The following TMEM260 variants were observed in gnomAD, a reference collection of about 807,000 sequenced individuals.
The protein encoded by TMEM260 is protein O-mannosyl-transferase TMEM260.
Under a neutral mutation model 88.9 loss-of-function variants are expected in TMEM260, and 82 were observed. That is an observed-to-expected ratio of 0.92 (90% CI 0.77 to 1.11). The LOEUF (loss-of-function observed/expected upper bound fraction) is 1.11, where lower values mean the gene tolerates loss of function less well. Among genes scored for constraint, TMEM260 ranks in the 50% least tolerant of loss-of-function variants. The pLI is 0.00. For missense variants in TMEM260, 902 were observed against 853.4 expected, an observed-to-expected ratio of 1.06 and a Z score of -0.71; for synonymous variants, 314 against 309.3, an observed-to-expected ratio of 1.02 and a Z score of -0.16.
chr14:56,632,688 G>T (rs762884723), intron 12 of TMEM260, among the ~76,000 whole-genome samples: 3 of 152,126 alleles, frequency 2.0e-5, no homozygotes, highest in African/African-American at 7.2e-5. Flanking sequence ...GGCCTCAAGC[G>T]ATTCTCCCAC....
Position 56,634,985 on chromosome 14 carries a change from A to G in TMEM260, c.1778+33A>G, listed in dbSNP as rs781124574. The G allele has an allele frequency of 7.0e-5, 112 of 1,589,946 alleles. No individual in the cohort carries two copies. In the Admixed American group the frequency reaches 1.7e-3, roughly 24 times the overall value. Reference sequence around the variant, plus strand: ...TTCTACATTTTTGTGTGTGCAGTCTATTTTTAATATGGCAGGGAAGTAGCT... The same window carrying G: ...TTCTACATTTTTGTGTGTGCAGTCTGTTTTTAATATGGCAGGGAAGTAGCT... On this transcript the variant is annotated intron_variant, in intron 14 of 15. Transcript: ENST00000261556.
At chr14:56,642,951 A>G (rs968480901) in intron 15 of TMEM260, among the ~76,000 whole-genome samples, 1 of 152,228 alleles carries the variant, frequency 6.6e-6, no homozygotes, top group African/African-American at 2.4e-5. Context: ...CACGCTCCCA[A>G]GACTAAACCA....
At chr14:56,643,694 C>T (rs1472055619) in intron 15 of TMEM260, among the ~76,000 whole-genome samples, 3 of 152,024 alleles carry the variant, frequency 2.0e-5, no homozygotes, top group African/African-American at 4.8e-5. Flanking sequence ...AAAGGGCATT[C>T]GATTAGGAAA....
At chr14:56,661,518 G>GGGAGGGAA in the TMEM260 span, among the ~76,000 whole-genome samples, 2 of 147,744 alleles carry the variant, frequency 1.4e-5, no homozygotes, top group East Asian at 2.0e-4. Context: ...AAGGAAGGAA[G>GGGAGGGAA]GGAGGGAAGG....
chr14:56,646,635 A>G (rs1437902279), intron 15 of TMEM260, among the ~76,000 whole-genome samples: 1 of 152,222 alleles, frequency 6.6e-6, no homozygotes. Flanking sequence ...ATTATAAATT[A>G]CAGGATACTG....
At chr14:56,638,907 G>T (rs1161239992) in intron 15 of TMEM260, among the ~76,000 whole-genome samples, 3 of 152,030 alleles carry the variant, frequency 2.0e-5, no homozygotes, top group Admixed American at 6.5e-5. Context: ...GTATATAGAG[G>T]AGGAAATATA....
chr14:56,616,026 A>G lies in TMEM260; in HGVS notation c.940A>G (p.Lys314Glu). ...TTGTGCAAATATATGTTTAGCAACA[A>G]AGTAAGTAATACAATTCCTTTTTCT... The part of the protein sequence containing the change: ...AVCANICLAT[K>E]DRQNPSLVWL... The change falls in exon 8 of 16, where the codon AAG (lysine) becomes GAG (glutamate). Residue 314 changes from lysine to glutamate, a missense_variant and splice_region_variant. Physicochemically the swap from Lys to Glu is moderately conservative, Grantham distance 56. Transcript: ENST00000261556. The G allele has an allele frequency of 6.2e-7, 1 of 1,601,552 alleles. No homozygotes were observed. The highest frequency in any genetic ancestry group is 8.6e-7 in the Non-Finnish European group (1 of 1,169,022).
downstream of TMEM260, chr14:56,650,742 T>C (rs905790787): frequency 7.0e-6 from 1 of 142,642 alleles, no homozygotes; most frequent in Admixed American, 7.7e-5. Flanking sequence ...CAGGCTAGGA[T>C]ATGAAGAGTA....
At chr14:56,647,200 CAA>C (rs1290625128) in intron 15 of TMEM260, 41 bp from the exon 16 acceptor site, 1 of 1,512,272 alleles carries the variant, frequency 6.6e-7, no homozygotes, top group Non-Finnish European at 8.8e-7. Flanking sequence ...AAAAAAAAGT[CAA>C]AGAATAACAA....
At chr14:56,596,795 A>AAAAAT (rs1555334865) in intron 3 of TMEM260, among the ~76,000 whole-genome samples, 2 of 106,328 alleles carry the variant, frequency 1.9e-5, no homozygotes, top group African/African-American at 8.2e-5. Context: ...AAAAAAAAAA[A>AAAAAT]TATATATATA....
chr14:56,579,551 G>A (rs552969084), upstream of TMEM260: 13 of 202,950 alleles, frequency 6.4e-5, no homozygotes, highest in South Asian at 5.7e-4. Flanking sequence ...TTTGGTCTCT[G>A]TCAGACCCAA....
At position 56,585,024 on chromosome 14, in the gene TMEM260, G is replaced by A; in HGVS notation, c.184G>A (p.Glu62Lys). Residue 62 changes from glutamate (E) to lysine (K), a missense_variant, in exon 2 of 16, where the codon GAG (glutamate) becomes AAG (lysine). Glu to Lys is a moderately conservative substitution (Grantham distance 56, BLOSUM62 1). Coordinates refer to ENST00000261556, the MANE Select transcript of TMEM260 (RefSeq NM_017799.4). ...AGGGGAACTGATCACAGCCGCACAT[G>A]AGCTTGGAGTAAGTATTAGTTTTAT... ...DSGELITAAHELGVAHPPGYP... is the reference protein window; with the variant it reads ...DSGELITAAHKLGVAHPPGYP... 5 of 1,612,148 alleles carry A rather than the reference G, an allele frequency of 3.1e-6. No homozygotes were observed. The highest frequency in any genetic ancestry group is 4.2e-6 in the Non-Finnish European group (5 of 1,178,930).
At chr14:56,654,835 AAAAAAAAT>A (rs796161502), downstream of TMEM260, among the ~76,000 whole-genome samples, 41 of 150,228 alleles carry the variant, frequency 2.7e-4, no homozygotes, top group Admixed American at 8.6e-4. Context: ...AAAAAAAAAA[AAAAAAAAT>A]GTTAAATGTC....
chr14:56,654,693 AATCTC>A (rs1369716394), downstream of TMEM260, among the ~76,000 whole-genome samples: 5 of 151,812 alleles, frequency 3.3e-5, no homozygotes, highest in East Asian at 9.7e-4. Flanking sequence ...ACAAATCTGT[AATCTC>A]AGCTACTTGG....
At chr14:56,630,672 A>C (rs931415933) in intron 12 of TMEM260, among the ~76,000 whole-genome samples, 2 of 152,074 alleles carry the variant, frequency 1.3e-5, no homozygotes, top group Non-Finnish European at 2.9e-5. Context: ...CATTTGTGTC[A>C]TCTTAGAATA....
At chr14:56,618,848 A>G in intron 10 of TMEM260, 85 bp downstream of exon 10, 1 of 1,346,472 alleles carries the variant, frequency 7.4e-7, no homozygotes, top group Non-Finnish European at 1.0e-6. Context: ...TTTCATTGTT[A>G]ACTTCTGGTT....
chr14:56,636,668 A>AT (rs1158903447), intron 15 of TMEM260, 70 bp downstream of exon 15: 8 of 1,299,400 alleles, frequency 6.2e-6, no homozygotes, highest in Non-Finnish European at 8.9e-6. Flanking sequence ...TTCAGAATGG[A>AT]TAGAGGGTAT....
chr14:56,611,147 T>C (rs907106430), intron 6 of TMEM260, among the ~76,000 whole-genome samples: 2 of 152,134 alleles, frequency 1.3e-5, no homozygotes, highest in Admixed American at 6.5e-5. Context: ...TTTGTGTTTT[T>C]AGTAGAGACA....
downstream of TMEM260, among the ~76,000 whole-genome samples, chr14:56,653,303 A>G (rs1890238616): frequency 6.6e-6 from 1 of 152,254 alleles, no homozygotes; most frequent in Non-Finnish European, 1.5e-5. Context: ...GTGTATGCAC[A>G]TATGCATGTG....
Sources: allele counts gnomAD v4.1 joint callset (sites outside exome capture counted in the v4.1 genomes callset), GRCh38; gene constraint gnomAD v4.1.1; transcripts MANE v1.5; gene names NCBI Gene and HGNC (gene_info 2026-07-23, HGNC 2026-07-21).